MYO16: variants seen among roughly 807,000 people sequenced by gnomAD.
MYO16 encodes unconventional myosin-XVI.
MYO16 carries 94 observed loss-of-function variants against 205.3 expected under a neutral mutation model. The ratio of observed to expected loss-of-function variants is 0.46; its 90% CI spans 0.39 to 0.54. The LOEUF (loss-of-function observed/expected upper bound fraction) is 0.54, where lower values mean the gene tolerates loss of function less well. Ranked by LOEUF, MYO16 falls within the 20% of genes least tolerant of loss-of-function variation. The pLI, the probability that MYO16 is intolerant of heterozygous loss-of-function variation, is 0.00. For synonymous variants in MYO16, 988 were observed against 954.0 expected, an observed-to-expected ratio of 1.04 and a Z score of -0.66; for missense variants, 2,315 against 2,387.5, an observed-to-expected ratio of 0.97 and a Z score of 0.63.
At chr13:108,557,657 T>C in the MYO16 span, among the ~76,000 whole-genome samples, 5 of 152,104 alleles carry the variant, frequency 3.3e-5, no homozygotes, top group African/African-American at 9.7e-5. Context: ...TTTATTTCGT[T>C]CCTCAACATA....
At chr13:109,136,382 T>C (rs1007069769) in intron 31 of MYO16, among the ~76,000 whole-genome samples, 2 of 152,204 alleles carry the variant, frequency 1.3e-5, no homozygotes, top group East Asian at 3.9e-4. Context: ...CATGAGTCAC[T>C]GTGCCTGCCT....
intron 31 of MYO16, among the ~76,000 whole-genome samples, chr13:109,135,012 A>C (rs957277890): frequency 2.6e-5 from 4 of 152,186 alleles, no homozygotes; most frequent in African/African-American, 9.7e-5. Context: ...CGCATCGTCT[A>C]AACCAGATCC....
chr13:109,055,118 C>A lies in MYO16; in HGVS notation c.3121C>A (p.Gln1041Lys). 6.3e-7 allele frequency: 1 copy of A among 1,582,712 alleles called. No homozygotes were observed. Among genetic ancestry groups the A allele is most frequent in the South Asian group, 1.2e-5 (1 of 85,478 alleles). ...AGGAGATCCAGTCACCATAGCATCA[C>A]AACTCAGGGTTAGTGACGTTTTCAG... ...ERGDPVTIAS[Q>K]LRKSLMDIIG... Residue 1041 changes from glutamine (Q) to lysine (K), a missense_variant, in exon 26 of 35, where the codon CAA becomes AAA. Physicochemically the swap from Gln to Lys is moderately conservative, Grantham distance 53 (BLOSUM62 1). Around this residue, in one of 3 missense-constraint regions of MYO16, gnomAD observed 1,213 missense variants for 1,274.4 expected, o/e 0.95. Transcript: ENST00000457511. This position sits in a 1 kb window ranked among gnomAD's most constrained non-coding sequence, Gnocchi z 5.0.
the MYO16 span, among the ~76,000 whole-genome samples, chr13:108,590,639 T>C: frequency 6.6e-6 from 1 of 151,918 alleles, no homozygotes; most frequent in Admixed American, 6.6e-5. Flanking sequence ...GGAGGGGAGT[T>C]TGGACACAGA....
At chr13:108,952,113 AT>A (rs1883176472) in intron 16 of MYO16, among the ~76,000 whole-genome samples, 1 of 1,896 alleles carries the variant, frequency 5.3e-4, no homozygotes, top group Admixed American at 3.3e-3. Flanking sequence ...CTCCATCTCA[AT>A]AAATAAATAA....
intron 4 of MYO16, among the ~76,000 whole-genome samples, chr13:108,770,168 A>G (rs1303789725): frequency 1.3e-5 from 2 of 152,228 alleles, no homozygotes; most frequent in Admixed American, 6.5e-5. Context: ...TTTATTTTCA[A>G]TAAATGCACT....
At chr13:108,989,308 A>G (rs1884741094) in intron 20 of MYO16, among the ~76,000 whole-genome samples, 1 of 152,164 alleles carries the variant, frequency 6.6e-6, no homozygotes, top group African/African-American at 2.4e-5. Context: ...ATGTTTTCAT[A>G]TTACCTTTAT....
intron 21 of MYO16, among the ~76,000 whole-genome samples, chr13:108,994,698 T>A (rs1226420099): frequency 2.0e-5 from 3 of 152,176 alleles, no homozygotes; most frequent in African/African-American, 7.2e-5. Context: ...GACCCATCCA[T>A]CAGTTCTTCA....
chr13:108,968,188 T>C (rs1248730685), intron 20 of MYO16, among the ~76,000 whole-genome samples: 4 of 152,192 alleles, frequency 2.6e-5, no homozygotes, highest in Non-Finnish European at 5.9e-5. Flanking sequence ...ACCTCTCGTA[T>C]GCTCCTGCTG....
the MYO16 span, among the ~76,000 whole-genome samples, chr13:108,575,168 C>T: frequency 6.6e-6 from 1 of 152,194 alleles, no homozygotes; most frequent in African/African-American, 2.4e-5. Context: ...ATTGAACAGT[C>T]TCTATTCCTG....
chr13:108,656,589 T>C (rs1450816597), intron 1 of MYO16, among the ~76,000 whole-genome samples: 3 of 152,212 alleles, frequency 2.0e-5, no homozygotes, highest in Non-Finnish European at 2.9e-5. Flanking sequence ...GGAGAAGTGA[T>C]TGAAACATAA....
intron 15 of MYO16, among the ~76,000 whole-genome samples, chr13:108,909,007 TAAATA>T (rs1187011574): frequency 2.0e-5 from 3 of 148,210 alleles, no homozygotes; most frequent in Non-Finnish European, 3.0e-5. Context: ...AATAAATAAA[TAAATA>T]AAAATATAAT....
chr13:108,727,636 C>T, intron 4 of MYO16, 53 bp downstream of exon 4: 1 of 1,554,126 alleles, frequency 6.4e-7, no homozygotes, highest in Non-Finnish European at 8.7e-7. Context: ...ATGTAAAAGG[C>T]TATATATTTA....
chr13:108,967,694 TA>T (rs528945434), intron 20 of MYO16, among the ~76,000 whole-genome samples: 1 of 152,128 alleles, frequency 6.6e-6, no homozygotes, highest in Non-Finnish European at 1.5e-5. Flanking sequence ...ATAACAGTAA[TA>T]AAAAAATAGC....
intron 7 of MYO16, among the ~76,000 whole-genome samples, chr13:108,817,619 C>A (rs951793106): frequency 6.6e-6 from 1 of 151,998 alleles, no homozygotes; most frequent in Non-Finnish European, 1.5e-5. Context: ...TATAACTGTG[C>A]GCTTATTAGT....
the MYO16 span, among the ~76,000 whole-genome samples, chr13:108,568,813 G>C: frequency 3.3e-5 from 5 of 151,956 alleles, no homozygotes; most frequent in African/African-American, 1.2e-4. Context: ...TCTTCAAAGA[G>C]TTTTGCGGTT....
chr13:109,180,660 T>C (rs1385931781), intron 34 of MYO16, among the ~76,000 whole-genome samples: 4 of 152,168 alleles, frequency 2.6e-5, no homozygotes, highest in African/African-American at 9.7e-5. Flanking sequence ...ACTGATGAGG[T>C]AGTGAGAAAA....
At chr13:109,102,846 A>G (rs1277827458) in intron 28 of MYO16, among the ~76,000 whole-genome samples, 2 of 152,112 alleles carry the variant, frequency 1.3e-5, no homozygotes, top group African/African-American at 4.8e-5. Context: ...TTTAAATGGG[A>G]AAGGGATCCC....
chr13:109,017,268 T>C (rs537627543), intron 22 of MYO16, among the ~76,000 whole-genome samples: 3 of 152,344 alleles, frequency 2.0e-5, no homozygotes, highest in East Asian at 3.9e-4. Context: ...AAAATTCTTT[T>C]CTTTAAGAAT....
Sources: allele counts gnomAD v4.1 joint callset (sites outside exome capture counted in the v4.1 genomes callset), GRCh38; gene constraint gnomAD v4.1.1; regional missense constraint gnomAD v4.1.1; non-coding constraint Gnocchi (gnomAD v3.1); transcripts MANE v1.5; gene names NCBI Gene and HGNC (gene_info 2026-07-23, HGNC 2026-07-21).